The following CSMD3 variants were observed in gnomAD, a reference collection of about 807,000 sequenced individuals.
CSMD3 encodes CUB and sushi domain-containing protein 3.
In CSMD3, 177 loss-of-function variants were observed where a neutral mutation model predicts 435.2. The observed-to-expected ratio is 0.41, with a 90% CI of 0.36 to 0.46. CSMD3 has a LOEUF of 0.46. Among genes scored for constraint, CSMD3 ranks in the 20% least tolerant of loss-of-function variants. The pLI, the probability that CSMD3 is intolerant of heterozygous loss-of-function variation, is 0.34. For synonymous variants in CSMD3, 1,656 were observed against 1,520.5 expected, an observed-to-expected ratio of 1.09 and a Z score of -2.07; for missense variants, 4,265 against 4,504.6, an observed-to-expected ratio of 0.95 and a Z score of 1.52.
intron 9 of CSMD3, among the ~76,000 whole-genome samples, chr8:112,929,258 G>T (rs1364873798): frequency 6.8e-6 from 1 of 147,906 alleles, no homozygotes. Flanking sequence ...GGATAGCATT[G>T]GGAGATATAC....
chr8:113,159,811 A>G (rs2092004323), intron 4 of CSMD3, among the ~76,000 whole-genome samples: 1 of 151,974 alleles, frequency 6.6e-6, no homozygotes, highest in Non-Finnish European at 1.5e-5. Context: ...CTCCTCAATA[A>G]TAATTTGTCC....
intron 41 of CSMD3, among the ~76,000 whole-genome samples, chr8:112,342,995 ATATATT>A (rs1825299484): frequency 3.4e-5 from 1 of 29,622 alleles, no homozygotes; most frequent in African/African-American, 7.7e-5. Flanking sequence ...ATTTATATAT[ATATATT>A]TATATATATA....
chr8:113,423,544 A>G (rs2129974687), intron 1 of CSMD3, among the ~76,000 whole-genome samples: 1 of 152,114 alleles, frequency 6.6e-6, no homozygotes, highest in East Asian at 1.9e-4. Flanking sequence ...TATATTGTTT[A>G]TGGTTGTTTC....
chr8:112,374,360 C>T (rs752974748), intron 38 of CSMD3, among the ~76,000 whole-genome samples: 7 of 152,034 alleles, frequency 4.6e-5, no homozygotes, highest in Non-Finnish European at 1.0e-4. Flanking sequence ...TTTTTCACAT[C>T]TATTTATCTG....
intron 9 of CSMD3, among the ~76,000 whole-genome samples, chr8:112,944,742 T>C (rs2083552934): frequency 6.6e-6 from 1 of 151,486 alleles, no homozygotes; most frequent in Admixed American, 6.6e-5. Context: ...TTTAAAGGAC[T>C]TCTTTTGCTT....
intron 12 of CSMD3, among the ~76,000 whole-genome samples, chr8:112,817,274 A>G (rs2079400538): frequency 6.6e-6 from 1 of 152,088 alleles, no homozygotes; most frequent in Non-Finnish European, 1.5e-5. Context: ...GGTCTGCTGT[A>G]TGCAGATGAA....
intron 10 of CSMD3, among the ~76,000 whole-genome samples, chr8:112,898,638 A>C (rs1299896016): frequency 6.6e-6 from 1 of 151,278 alleles, no homozygotes; most frequent in Non-Finnish European, 1.5e-5. Flanking sequence ...CAATATTAAA[A>C]TAAAATAAAA....
chr8:112,848,109 G>A (rs2080379627), intron 11 of CSMD3, among the ~76,000 whole-genome samples: 4 of 152,070 alleles, frequency 2.6e-5, no homozygotes, highest in African/African-American at 7.2e-5. Flanking sequence ...AAACATAAGA[G>A]CAGAGAAAAA....
At chr8:112,293,666 CA>C (rs1819991760) in intron 54 of CSMD3, among the ~76,000 whole-genome samples, 1 of 151,826 alleles carries the variant, frequency 6.6e-6, no homozygotes, top group Non-Finnish European at 1.5e-5. Flanking sequence ...TGCTGTGTCC[CA>C]CTATAAATTT....
chr8:112,425,317 GA>G (rs1238534895), intron 32 of CSMD3, among the ~76,000 whole-genome samples: 1 of 152,108 alleles, frequency 6.6e-6, no homozygotes, highest in Non-Finnish European at 1.5e-5. Flanking sequence ...TTCAAATTGT[GA>G]ACCCCAATTT....
chr8:113,129,928 C>T (rs2091242034), intron 4 of CSMD3, among the ~76,000 whole-genome samples: 1 of 151,630 alleles, frequency 6.6e-6, no homozygotes, highest in African/African-American at 2.4e-5. Context: ...TTTTATTTTA[C>T]TTATATATGC....
At chr8:113,150,015 A>G (rs2091768463) in intron 4 of CSMD3, among the ~76,000 whole-genome samples, 1 of 151,872 alleles carries the variant, frequency 6.6e-6, no homozygotes, top group Admixed American at 6.6e-5. Flanking sequence ...GACAATTACA[A>G]AATTAACTAG....
chr8:113,412,098 G>A (rs1333555188), intron 1 of CSMD3, among the ~76,000 whole-genome samples: 1 of 152,088 alleles, frequency 6.6e-6, no homozygotes, highest in Non-Finnish European at 1.5e-5. Flanking sequence ...AGTAAAACCT[G>A]TAGAGTGTTT....
chr8:113,264,350 T>C (rs942027869), intron 3 of CSMD3, among the ~76,000 whole-genome samples: 4 of 151,276 alleles, frequency 2.6e-5, no homozygotes, highest in African/African-American at 7.3e-5. Context: ...TACATACTTA[T>C]CAAAATGATA....
chr8:112,365,531 A>C (rs1190149427), intron 38 of CSMD3, among the ~76,000 whole-genome samples: 1 of 146,636 alleles, frequency 6.8e-6, no homozygotes, highest in African/African-American at 2.5e-5. Context: ...AACATGTTTG[A>C]ATAGAATCTA....
intron 32 of CSMD3, among the ~76,000 whole-genome samples, chr8:112,466,154 G>A (rs1817936967): frequency 1.3e-5 from 2 of 152,086 alleles, no homozygotes; most frequent in African/African-American, 4.8e-5. Context: ...CTGTTAAAAA[G>A]TGAAGTGTCA....
chr8:112,393,482 A>G (rs13264831), intron 35 of CSMD3, among the ~76,000 whole-genome samples: 37,525 of 152,016 alleles, frequency 0.25, 5,221 homozygotes, highest in African/African-American at 0.37. Context: ...TTATCATACT[A>G]TGCTTCCGTA....
intron 22 of CSMD3, among the ~76,000 whole-genome samples, chr8:112,613,273 A>G (rs1833403387): frequency 6.6e-6 from 1 of 152,114 alleles, no homozygotes; most frequent in Admixed American, 6.6e-5. Context: ...TTATTACAAT[A>G]GAGGTTTTTG....
chr8:112,685,470 T>A lies in CSMD3; in HGVS notation c.2418A>T (p.Ile806=), dbSNP rs200748236. The stretch of plus-strand genomic sequence containing the variant: ...GGTCAGCCTGAAATTCCAATCGCAG[T>A]ATGTGACTATTACTAGTAAGATGGG... ...VPSHLTSNSH[I]LRLEFQADHS... Residue 806 remains isoleucine, a synonymous_variant, in exon 15 of 71, where the codon ATA becomes ATT. Coordinates refer to ENST00000297405, the MANE Select transcript of CSMD3 (RefSeq NM_198123.2). 18 of 1,614,056 alleles carry A rather than the reference T, an allele frequency of 1.1e-5. No individual in the cohort carries two copies. In the East Asian group the frequency reaches 4.0e-4, roughly 36 times the overall value.
Sources: allele counts gnomAD v4.1 joint callset (sites outside exome capture counted in the v4.1 genomes callset), GRCh38; gene constraint gnomAD v4.1.1; transcripts MANE v1.5; gene names NCBI Gene and HGNC (gene_info 2026-07-23, HGNC 2026-07-21).